SH3BGRL2: variants seen among roughly 807,000 people sequenced by gnomAD.
The protein encoded by SH3BGRL2 is SH3 domain binding glutamate rich protein like 2.
In SH3BGRL2, 21 loss-of-function variants were observed where a neutral mutation model predicts 14.8. That is an observed-to-expected ratio of 1.42 (90% CI 1.01 to 2.05). The LOEUF (loss-of-function observed/expected upper bound fraction) is 2.05, where lower values mean the gene tolerates loss of function less well. Ranked by LOEUF, SH3BGRL2 falls within the 30% of genes most tolerant of loss-of-function variation. The probability of loss-of-function intolerance (pLI) is 0.00; values close to 1 mark genes in which losing one functional copy is unlikely to be tolerated. For synonymous variants in SH3BGRL2, 50 were observed against 47.8 expected, an observed-to-expected ratio of 1.05 and a Z score of -0.19; for missense variants, 147 against 130.8, an observed-to-expected ratio of 1.12 and a Z score of -0.61.
At chr6:79,577,905 G>A in the SH3BGRL2 span, among the ~76,000 whole-genome samples, 1 of 152,224 alleles carries the variant, frequency 6.6e-6, no homozygotes, top group Middle Eastern at 3.2e-3. Context: ...GGAAAATGGG[G>A]CACTCCCACC....
chr6:79,579,338 G>T, the SH3BGRL2 span, among the ~76,000 whole-genome samples: 1 of 152,046 alleles, frequency 6.6e-6, no homozygotes, highest in Non-Finnish European at 1.5e-5. Flanking sequence ...ACTCCAAGAC[G>T]CATAATTGTC....
chr6:79,546,991 T>A, the SH3BGRL2 span, among the ~76,000 whole-genome samples: 1 of 152,158 alleles, frequency 6.6e-6, no homozygotes, highest in Non-Finnish European at 1.5e-5. Flanking sequence ...AAGTTGAAAC[T>A]CTTTTGTAAC....
At chr6:79,657,504 T>G (rs1174257237) in intron 1 of SH3BGRL2, among the ~76,000 whole-genome samples, 2 of 152,194 alleles carry the variant, frequency 1.3e-5, no homozygotes, top group African/African-American at 4.8e-5. Context: ...TGGAAGACGC[T>G]GATTTTAGTC....
At chr6:79,665,005 G>A (rs1374749017) in intron 1 of SH3BGRL2, among the ~76,000 whole-genome samples, 1 of 152,122 alleles carries the variant, frequency 6.6e-6, no homozygotes, top group Non-Finnish European at 1.5e-5. Flanking sequence ...TTTGAGACCA[G>A]CCTGACCAAC....
At chr6:79,545,522 A>G in the SH3BGRL2 span, among the ~76,000 whole-genome samples, 1 of 152,228 alleles carries the variant, frequency 6.6e-6, no homozygotes, top group East Asian at 1.9e-4. Context: ...TTAGCACCTG[A>G]AAATTTTGTC....
chr6:79,673,891 T>C (rs1051620616), intron 2 of SH3BGRL2, 92 bp downstream of exon 2: 3 of 1,319,004 alleles, frequency 2.3e-6, no homozygotes, highest in Non-Finnish European at 3.1e-6. Flanking sequence ...GTGAAGACTG[T>C]GACTTCTTCA....
intron 1 of SH3BGRL2, among the ~76,000 whole-genome samples, chr6:79,655,928 A>G (rs718945): frequency 0.45 from 69,033 of 152,062 alleles, 16,584 homozygotes; most frequent in Non-Finnish European, 0.53. Context: ...CAAGGGTGGA[A>G]AGCCACCTGC....
rs568908120 is a variant in SH3BGRL2, at chr6:79,673,637, G to A, written c.69G>A (p.Val23=). The A allele has an allele frequency of 6.2e-7, 1 of 1,614,040 alleles. No homozygotes were observed. Among genetic ancestry groups the A allele is most frequent in the South Asian group, 1.1e-5 (1 of 91,064 alleles). Residue 23 remains valine, a synonymous_variant, in exon 2 of 4, where the codon GTG becomes GTA. Transcript: ENST00000369838. ...AGATAAAGAAGAAGCAGCAAGATGTGGTTAGATTTCTGGAAGCCAACAAGA... is the reference window on the plus strand; with the variant it reads ...AGATAAAGAAGAAGCAGCAAGATGTAGTTAGATTTCTGGAAGCCAACAAGA... ...FVAIKKKQQD[V]VRFLEANKIE...
intron 1 of SH3BGRL2, among the ~76,000 whole-genome samples, chr6:79,660,366 T>G (rs1769518329): frequency 6.6e-6 from 1 of 152,218 alleles, no homozygotes; most frequent in African/African-American, 2.4e-5. Flanking sequence ...TTGAATTTTG[T>G]CAAATGCCTT....
intron 1 of SH3BGRL2, among the ~76,000 whole-genome samples, chr6:79,663,469 C>T (rs535191321): frequency 1.9e-4 from 29 of 152,300 alleles, no homozygotes; most frequent in African/African-American, 6.7e-4. Context: ...TGGGTATCAC[C>T]AGCAGAGGCT....
the SH3BGRL2 span, among the ~76,000 whole-genome samples, chr6:79,607,822 G>A: frequency 3.8e-4 from 58 of 152,242 alleles, no homozygotes; most frequent in South Asian, 6.2e-4. Flanking sequence ...GCAGGCATCT[G>A]TAATCCCAGC....
At chr6:79,616,299 C>T in the SH3BGRL2 span, among the ~76,000 whole-genome samples, 4 of 152,152 alleles carry the variant, frequency 2.6e-5, no homozygotes, top group African/African-American at 9.7e-5. Flanking sequence ...GAAACAGGAA[C>T]CCATTTGCAT....
chr6:79,580,698 C>A, the SH3BGRL2 span, among the ~76,000 whole-genome samples: 3 of 152,056 alleles, frequency 2.0e-5, no homozygotes, highest in African/African-American at 7.2e-5. Context: ...TTGAAAAGAT[C>A]TAAAATCGAC....
the SH3BGRL2 span, among the ~76,000 whole-genome samples, chr6:79,579,374 A>C: frequency 6.6e-6 from 1 of 152,214 alleles, no homozygotes; most frequent in African/African-American, 2.4e-5. Flanking sequence ...GAAATGAAGG[A>C]AAAAGTGTTA....
the SH3BGRL2 span, among the ~76,000 whole-genome samples, chr6:79,618,267 A>G: frequency 1.3e-5 from 2 of 152,306 alleles, no homozygotes; most frequent in South Asian, 2.1e-4. Context: ...CAACAGTTCT[A>G]TGGACTACGT....
At chr6:79,672,202 A>G (rs756763031) in intron 1 of SH3BGRL2, among the ~76,000 whole-genome samples, 2 of 152,172 alleles carry the variant, frequency 1.3e-5, no homozygotes, top group East Asian at 3.8e-4. Context: ...TCTCATTAAA[A>G]TATGTTTCTT....
intron 1 of SH3BGRL2, among the ~76,000 whole-genome samples, chr6:79,645,425 A>T (rs573405898): frequency 6.6e-6 from 1 of 152,268 alleles, no homozygotes; most frequent in African/African-American, 2.4e-5. Context: ...ACCTCACTCC[A>T]TTGTGGTATC....
chr6:79,647,728 A>G (rs1582717285), intron 1 of SH3BGRL2, among the ~76,000 whole-genome samples: 1 of 152,188 alleles, frequency 6.6e-6, no homozygotes. Context: ...GAATTGGGAA[A>G]GTGGCTGTTT....
chr6:79,641,486 T>C (rs1415903635), intron 1 of SH3BGRL2, among the ~76,000 whole-genome samples: 1 of 152,114 alleles, frequency 6.6e-6, no homozygotes, highest in African/African-American at 2.4e-5. Context: ...TAGAGAACAG[T>C]GTTATGGTTA....
Sources: allele counts gnomAD v4.1 joint callset (sites outside exome capture counted in the v4.1 genomes callset), GRCh38; gene constraint gnomAD v4.1.1; transcripts MANE v1.5; gene names NCBI Gene and HGNC (gene_info 2026-07-23, HGNC 2026-07-21).